Variants in SEMA6D observed in about 807,000 individuals in gnomAD.
The protein encoded by SEMA6D is semaphorin-6D.
Under a neutral mutation model 106.6 loss-of-function variants are expected in SEMA6D, and 35 were observed. That is an observed-to-expected ratio of 0.33 (90% CI 0.25 to 0.44). The LOEUF is 0.44. SEMA6D is among the 20% of genes least tolerant of loss of function. SEMA6D has a pLI of 1.00. For synonymous variants in SEMA6D, 499 were observed against 487.7 expected, an observed-to-expected ratio of 1.02 and a Z score of -0.31; for missense variants, 1,185 against 1,345.9, an observed-to-expected ratio of 0.88 and a Z score of 1.87.
In SEMA6D at chr15:47,368,219, T is replaced by C. The variant is rs897632587; in HGVS notation, c.-238-44174T>C. ...TTGGCAAGCCCCAAGCCTCTGCCCA[T>C]GCAGTGATTCAGGGAGGCAGCTGGA... On this transcript the variant is annotated intron_variant, in intron 1 of 19. Coordinates refer to the SEMA6D transcript ENST00000558014. Among the ~76,000 whole-genome samples, 5 of 152,308 alleles carry C rather than the reference T, an allele frequency of 3.3e-5. No homozygotes were observed. The East Asian group carries it at 9.7e-4, about 29-fold the overall frequency.
intron 2 of SEMA6D, among the ~76,000 whole-genome samples, chr15:47,422,742 C>T (rs898285229): frequency 3.9e-5 from 6 of 152,074 alleles, no homozygotes; most frequent in African/African-American, 1.2e-4. Flanking sequence ...AAAGATTTAT[C>T]ACTGCAAGAG....
In SEMA6D at chr15:47,724,712, G is replaced by A. The variant is rs2079628953; in HGVS notation, c.-55+7020G>A. Among the ~76,000 whole-genome samples the A allele has an allele frequency of 3.3e-5, 5 of 152,190 alleles. No homozygotes were observed. The South Asian group carries it at 1.0e-3, about 32-fold the overall frequency. ...TTACCTACAACAGACTTGTAATTCA[G>A]GTGTGAAGAGGCAGTTTGCCATGCA... is the stretch of plus-strand genomic sequence containing the variant. On this transcript the variant is annotated intron_variant, in intron 1 of 18. Transcript: ENST00000536845.
At chr15:47,657,992 G>A (rs563242752) in intron 4 of SEMA6D, among the ~76,000 whole-genome samples, 18 of 151,420 alleles carry the variant, frequency 1.2e-4, no homozygotes, top group South Asian at 1.0e-3. Context: ...CGCCCACCTC[G>A]GCCTCCCAAA....
chr15:47,348,721 C>CAGAGAG (rs1313096616), intron 1 of SEMA6D, among the ~76,000 whole-genome samples: 8 of 24,630 alleles, frequency 3.2e-4, no homozygotes, highest in East Asian at 9.5e-4. Context: ...ACACACACCA[C>CAGAGAG]ACACACAGAG....
intron 1 of SEMA6D, among the ~76,000 whole-genome samples, chr15:47,229,449 G>A (rs144035103): frequency 1.2e-4 from 19 of 152,070 alleles, no homozygotes; most frequent in African/African-American, 1.2e-4. Flanking sequence ...TTTGACAAAG[G>A]TCAGTAATTG....
intron 4 of SEMA6D, among the ~76,000 whole-genome samples, chr15:47,670,144 C>T (rs2078110489): frequency 6.6e-6 from 1 of 152,214 alleles, no homozygotes; most frequent in Non-Finnish European, 1.5e-5. Context: ...CTCTTGGCCA[C>T]CCTGGCGCAA....
At chr15:47,521,019 C>T (rs2044554700) in intron 3 of SEMA6D, among the ~76,000 whole-genome samples, 1 of 152,120 alleles carries the variant, frequency 6.6e-6, no homozygotes, top group Admixed American at 6.5e-5. Context: ...TAGAAAGTTG[C>T]CTTTTTTGTG....
chr15:47,232,669 A>G (rs1392984322), intron 1 of SEMA6D, among the ~76,000 whole-genome samples: 3 of 151,782 alleles, frequency 2.0e-5, no homozygotes, highest in East Asian at 1.9e-4. Flanking sequence ...TTTTTTTCAC[A>G]CTATTGCTGG....
chr15:47,192,656 C>T (rs1328124165), intron 1 of SEMA6D, among the ~76,000 whole-genome samples: 1 of 151,932 alleles, frequency 6.6e-6, no homozygotes, highest in African/African-American at 2.4e-5. Context: ...CAATACTGTA[C>T]AGAGTATATC....
intron 1 of SEMA6D, among the ~76,000 whole-genome samples, chr15:47,369,272 GT>G: frequency 6.6e-6 from 1 of 152,202 alleles, no homozygotes; most frequent in East Asian, 1.9e-4. Flanking sequence ...TTATAATTCA[GT>G]AAAAACATTG....
At chr15:47,450,018 C>T (rs551181041) in intron 2 of SEMA6D, among the ~76,000 whole-genome samples, 3 of 151,980 alleles carry the variant, frequency 2.0e-5, no homozygotes, top group Admixed American at 6.6e-5. Flanking sequence ...TTTTAAGAAG[C>T]GGCTGACCTT....
At chr15:47,671,257 GT>G (rs2078131190) in intron 4 of SEMA6D, among the ~76,000 whole-genome samples, 1 of 152,110 alleles carries the variant, frequency 6.6e-6, no homozygotes, top group African/African-American at 2.4e-5. Flanking sequence ...GCAACATAGG[GT>G]TTCCAAGAGA....
At chr15:47,255,181 T>A (rs1245444575) in intron 1 of SEMA6D, among the ~76,000 whole-genome samples, 1 of 152,168 alleles carries the variant, frequency 6.6e-6, no homozygotes, top group Non-Finnish European at 1.5e-5. Flanking sequence ...GTAGGTTGTA[T>A]GTGCCAAGGA....
chr15:47,518,801 G>T (rs2044474289), intron 3 of SEMA6D, among the ~76,000 whole-genome samples: 1 of 152,090 alleles, frequency 6.6e-6, no homozygotes, highest in South Asian at 2.1e-4. Flanking sequence ...GCCTTCAGGG[G>T]CAATAACAGA....
intron 3 of SEMA6D, among the ~76,000 whole-genome samples, chr15:47,499,840 G>C (rs11070589): frequency 0.26 from 39,676 of 151,764 alleles, 5,746 homozygotes; most frequent in East Asian, 0.48. Flanking sequence ...CACAGATGGT[G>C]GTGTGACTGA....
chr15:47,331,049 A>G (rs963539979), intron 1 of SEMA6D, among the ~76,000 whole-genome samples: 3 of 152,176 alleles, frequency 2.0e-5, no homozygotes, highest in African/African-American at 7.2e-5. Context: ...GTAGTACAGG[A>G]CATGAGTTTA....
chr15:47,246,696 A>G (rs1404199387), intron 1 of SEMA6D, among the ~76,000 whole-genome samples: 3 of 152,148 alleles, frequency 2.0e-5, no homozygotes, highest in Non-Finnish European at 4.4e-5. Flanking sequence ...TTAAGATTGC[A>G]TGTAAGTACC....
chr15:47,447,112 C>G (rs547062666), intron 2 of SEMA6D, among the ~76,000 whole-genome samples: 2 of 152,222 alleles, frequency 1.3e-5, no homozygotes, highest in East Asian at 3.9e-4. Flanking sequence ...GTGCTCTCCT[C>G]CAGTGGGATA....
intron 1 of SEMA6D, among the ~76,000 whole-genome samples, chr15:47,742,594 A>G (rs1304851754): frequency 6.6e-6 from 1 of 152,212 alleles, no homozygotes; most frequent in African/African-American, 2.4e-5. Flanking sequence ...TTGTGTTTGT[A>G]CTAACGGCTG....
Sources: gnomAD v4.1 joint callset for allele counts (sites outside exome capture counted in the v4.1 genomes callset) on GRCh38, gnomAD v4.1.1 for gene constraint, MANE v1.5 for transcripts, NCBI Gene and HGNC (gene_info 2026-07-23, HGNC 2026-07-21) for gene names.